HPSE2: variants seen among roughly 807,000 people sequenced by gnomAD.
The protein encoded by HPSE2 is heparanase 2 (inactive).
Under a neutral mutation model 60.5 loss-of-function variants are expected in HPSE2, and 38 were observed. The observed-to-expected ratio is 0.63, with a 90% CI of 0.48 to 0.82. The LOEUF is 0.82. Among genes scored for constraint, HPSE2 ranks in the 40% least tolerant of loss-of-function variants. The probability of loss-of-function intolerance (pLI) is 0.00; values close to 1 mark genes in which losing one functional copy is unlikely to be tolerated. For missense variants in HPSE2, 713 were observed against 740.4 expected, an observed-to-expected ratio of 0.96 and a Z score of 0.43; for synonymous variants, 295 against 293.2, an observed-to-expected ratio of 1.01 and a Z score of -0.06.
intron 3 of HPSE2, among the ~76,000 whole-genome samples, chr10:98,889,218 T>C (rs879418684): frequency 2.7e-4 from 40 of 146,010 alleles, no homozygotes; most frequent in Admixed American, 7.5e-4. Flanking sequence ...TTTATTTATT[T>C]TGGAAACAGG....
intron 6 of HPSE2, among the ~76,000 whole-genome samples, chr10:98,676,038 GAA>G (rs35701823): frequency 3.6e-5 from 5 of 139,356 alleles, no homozygotes; most frequent in Admixed American, 1.4e-4. Flanking sequence ...CTGCCTCAAA[GAA>G]AAAAAAAAAA....
intron 7 of HPSE2, among the ~76,000 whole-genome samples, chr10:98,637,196 C>T (rs551922290): frequency 5.3e-5 from 8 of 152,174 alleles, no homozygotes; most frequent in Non-Finnish European, 1.0e-4. Context: ...AATTCACCCA[C>T]TGCTCAGAAA....
intron 11 of HPSE2, among the ~76,000 whole-genome samples, chr10:98,466,303 G>C (rs953910801): frequency 6.6e-6 from 1 of 152,114 alleles, no homozygotes; most frequent in Admixed American, 6.5e-5. Context: ...TTGAGTGGGA[G>C]GTGAAGGGAC....
intron 3 of HPSE2, among the ~76,000 whole-genome samples, chr10:98,828,957 T>C (rs1219826219): frequency 6.8e-6 from 1 of 147,362 alleles, no homozygotes; most frequent in African/African-American, 2.5e-5. Flanking sequence ...AACCCAAGTG[T>C]CATAGGCAGA....
At chr10:99,134,401 C>G (rs969608900) in intron 3 of HPSE2, among the ~76,000 whole-genome samples, 1 of 152,086 alleles carries the variant, frequency 6.6e-6, no homozygotes, top group African/African-American at 2.4e-5. Flanking sequence ...AGAAGAGCAA[C>G]CCCAAGACAC....
chr10:99,272,348 A>C, the HPSE2 span, among the ~76,000 whole-genome samples: 1 of 152,114 alleles, frequency 6.6e-6, no homozygotes, highest in South Asian at 2.1e-4. Flanking sequence ...CATTGGAAAA[A>C]CCCTTCTAGA....
chr10:99,127,688 T>C (rs1025591739), intron 3 of HPSE2, among the ~76,000 whole-genome samples: 6 of 152,146 alleles, frequency 3.9e-5, no homozygotes, highest in African/African-American at 9.7e-5. Context: ...CCTAGGCACA[T>C]AGTCATCAAG....
intron 7 of HPSE2, among the ~76,000 whole-genome samples, chr10:98,637,709 T>C (rs1022949643): frequency 2.0e-5 from 3 of 152,208 alleles, no homozygotes; most frequent in Admixed American, 6.5e-5. Flanking sequence ...CATGGCGTCA[T>C]TTTGGTGAAA....
intron 3 of HPSE2, among the ~76,000 whole-genome samples, chr10:98,919,415 C>T (rs542635663): frequency 6.6e-6 from 1 of 152,136 alleles, no homozygotes; most frequent in East Asian, 1.9e-4. Context: ...TTGAAGGCCT[C>T]CAAAAATGTC....
chr10:98,830,455 A>G (rs559612080), intron 3 of HPSE2, among the ~76,000 whole-genome samples: 22 of 152,348 alleles, frequency 1.4e-4, no homozygotes, highest in African/African-American at 5.3e-4. Flanking sequence ...AAGGACACCT[A>G]TAATTCACAA....
At chr10:99,118,455 A>G (rs1844797967) in intron 3 of HPSE2, among the ~76,000 whole-genome samples, 2 of 148,406 alleles carry the variant, frequency 1.3e-5, no homozygotes, top group South Asian at 2.3e-4. Flanking sequence ...CCCAGGAGGC[A>G]GAGTTTGCAG....
At chr10:98,923,677 T>C (rs912878782) in intron 3 of HPSE2, among the ~76,000 whole-genome samples, 11 of 152,068 alleles carry the variant, frequency 7.2e-5, no homozygotes, top group Admixed American at 2.0e-4. Context: ...TCAATTCTGC[T>C]ATTAAGAGAC....
intron 4 of HPSE2, among the ~76,000 whole-genome samples, chr10:98,730,955 G>A (rs1006343844): frequency 2.0e-5 from 3 of 152,152 alleles, no homozygotes; most frequent in Non-Finnish European, 4.4e-5. Flanking sequence ...CTTATGTTAT[G>A]AGGCCAATAT....
rs184183568 is a variant in HPSE2 at position 98,875,404 on chromosome 10, C to T, written c.611-131348G>A. Among the ~76,000 whole-genome samples the T allele has an allele frequency of 1.1e-3, 163 of 152,084 alleles. 1 individual carries two copies. The highest frequency in any genetic ancestry group is 3.1e-3 in the African/African-American group (129 of 41,526). On this transcript the variant is annotated intron_variant, in intron 3 of 11. Transcript: ENST00000370552. ...TCAGAGAATACTGTAAATACCTCTA[C>T]GCAAATAAACTAGAAAATCTAGAAG...
chr10:98,794,846 C>T (rs983905492), intron 3 of HPSE2, among the ~76,000 whole-genome samples: 5 of 151,844 alleles, frequency 3.3e-5, no homozygotes, highest in South Asian at 2.1e-4. Flanking sequence ...ATGCTTTAAA[C>T]GATTGCAAAA....
chr10:98,981,070 A>T (rs1727419901), intron 3 of HPSE2, among the ~76,000 whole-genome samples: 1 of 152,164 alleles, frequency 6.6e-6, no homozygotes, highest in Non-Finnish European at 1.5e-5. Flanking sequence ...CCAACATATT[A>T]AGTAGATGAA....
rs994076080 is a variant in HPSE2 at position 98,524,400 on chromosome 10, G to A, written c.1321-34204C>T. Among the ~76,000 whole-genome samples, 12 of 152,250 alleles carry A rather than the reference G, an allele frequency of 7.9e-5. No individual in the cohort carries two copies. The East Asian group carries it at 2.1e-3, about 27-fold the overall frequency. On this transcript the variant is annotated intron_variant, in intron 9 of 11. Transcript: ENST00000370552. ...GATAAGTATGTGTAAGTAGGGAGTGGTGGGGCTGACTGTCCGAGAGGCCAC... is the reference window on the plus strand; with the variant it reads ...GATAAGTATGTGTAAGTAGGGAGTGATGGGGCTGACTGTCCGAGAGGCCAC...
At chr10:98,895,836 C>CA (rs1240753710) in intron 3 of HPSE2, among the ~76,000 whole-genome samples, 1 of 146,702 alleles carries the variant, frequency 6.8e-6, no homozygotes, top group African/African-American at 2.5e-5. Context: ...ATCACAAGGA[C>CA]AAAAAACCAA....
intron 2 of HPSE2, among the ~76,000 whole-genome samples, chr10:99,219,904 T>G (rs575184710): frequency 6.6e-6 from 1 of 152,224 alleles, no homozygotes; most frequent in Non-Finnish European, 1.5e-5. Flanking sequence ...TGTTGGCTGA[T>G]TAGTATTCAA....
Sources: allele counts gnomAD v4.1 joint callset (sites outside exome capture counted in the v4.1 genomes callset), GRCh38; gene constraint gnomAD v4.1.1; transcripts MANE v1.5; gene names NCBI Gene and HGNC (gene_info 2026-07-23, HGNC 2026-07-21).